Variants in ELP4 observed in about 807,000 individuals in gnomAD.
The protein encoded by ELP4 is elongator acetyltransferase complex subunit 4.
Under a neutral mutation model 48.9 loss-of-function variants are expected in ELP4, and 51 were observed. The observed-to-expected ratio is 1.04, with a 90% CI of 0.83 to 1.32. The LOEUF is 1.32. ELP4 is among the 40% of genes most tolerant of loss of function. ELP4 has a pLI of 0.00. For synonymous variants in ELP4, 210 were observed against 189.2 expected (o/e 1.11, Z -0.90); for missense variants, 519 against 514.6 (o/e 1.01, Z -0.08).
intron 9 of ELP4, among the ~76,000 whole-genome samples, chr11:31,673,839 G>A (rs866582352): frequency 1.3e-5 from 2 of 152,168 alleles, no homozygotes; most frequent in Admixed American, 1.3e-4. Flanking sequence ...TGATGCACTA[G>A]TATTTACTTC....
intron 9 of ELP4, among the ~76,000 whole-genome samples, chr11:31,691,096 TTTG>T (rs767725618): frequency 5.3e-5 from 8 of 152,176 alleles, no homozygotes; most frequent in Middle Eastern, 3.4e-3. Flanking sequence ...GAATACCTAT[TTTG>T]TTATGTACCT....
intron 7 of ELP4, among the ~76,000 whole-genome samples, chr11:31,637,773 T>A (rs1471291663): frequency 1.3e-5 from 2 of 151,952 alleles, no homozygotes; most frequent in African/African-American, 4.8e-5. Context: ...TATGCAAACA[T>A]TTTGTGGCTT....
intron 2 of ELP4, among the ~76,000 whole-genome samples, chr11:31,527,351 A>G (rs1172741610): frequency 6.6e-6 from 1 of 152,090 alleles, no homozygotes. Context: ...CGCTACATAT[A>G]TAGGATACAT....
chr11:31,635,139 G>A (rs919268206), intron 7 of ELP4, among the ~76,000 whole-genome samples: 1 of 151,934 alleles, frequency 6.6e-6, no homozygotes, highest in Non-Finnish European at 1.5e-5. Context: ...TAAATATGAA[G>A]TAAAACTTTT....
At chr11:31,517,637 A>G (rs1286986036) in intron 1 of ELP4, among the ~76,000 whole-genome samples, 1 of 150,792 alleles carries the variant, frequency 6.6e-6, no homozygotes, top group Non-Finnish European at 1.5e-5. Context: ...TTTTTTTTTT[A>G]ATGGAGTCTC....
chr11:31,548,937 A>T (rs547948390), intron 3 of ELP4, among the ~76,000 whole-genome samples: 1 of 152,150 alleles, frequency 6.6e-6, no homozygotes, highest in Non-Finnish European at 1.5e-5. Flanking sequence ...AGCCATATGT[A>T]GAAAGCTGAA....
intron 6 of ELP4, among the ~76,000 whole-genome samples, chr11:31,628,874 A>G (rs1346210426): frequency 6.6e-6 from 1 of 152,138 alleles, no homozygotes; most frequent in East Asian, 1.9e-4. Context: ...TCTAGAAGCC[A>G]GAGAAATACG....
In ELP4 at chr11:31,787,464, G is replaced by A. The variant is rs922513633; in HGVS notation, c.*3940G>A. 1 of 233,176 alleles carries A rather than the reference G, an allele frequency of 4.3e-6. No homozygotes were observed. The highest frequency in any genetic ancestry group is 5.6e-5 in the Admixed American group (1 of 17,780). 14.4% of individuals were successfully genotyped at this position (233,176 alleles called of 1,614,324 possible). ...CTGACCGTGGTGGAAATTACAGCCA[G>A]CGAGAAGGAAGAAGTAAGCCAGCCA... On this transcript the variant is annotated 3_prime_UTR_variant, in exon 10 of 10. Coordinates refer to ENST00000640961, the MANE Select transcript of ELP4 (RefSeq NM_019040.5).
intron 9 of ELP4, among the ~76,000 whole-genome samples, chr11:31,777,406 A>G (rs1338894641): frequency 6.6e-6 from 1 of 152,150 alleles, no homozygotes; most frequent in African/African-American, 2.4e-5. Context: ...GTCATCAGGT[A>G]TGCATTTCTT....
At chr11:31,713,476 T>A (rs1386590016) in intron 9 of ELP4, among the ~76,000 whole-genome samples, 1 of 152,206 alleles carries the variant, frequency 6.6e-6, no homozygotes, top group Non-Finnish European at 1.5e-5. Context: ...ACCAGTAAGT[T>A]AAATTATTTG....
At chr11:31,634,931 A>G (rs974378116) in intron 7 of ELP4, among the ~76,000 whole-genome samples, 5 of 151,890 alleles carry the variant, frequency 3.3e-5, no homozygotes, top group African/African-American at 1.2e-4. Context: ...AATTTTTCCA[A>G]TTTTCAATCT....
chr11:31,541,263 T>C (rs1187812843), intron 3 of ELP4, among the ~76,000 whole-genome samples: 1 of 152,208 alleles, frequency 6.6e-6, no homozygotes, highest in East Asian at 1.9e-4. Flanking sequence ...TTAAATAATA[T>C]TGTTATGAAA....
intron 3 of ELP4, among the ~76,000 whole-genome samples, chr11:31,587,005 A>G (rs1957487630): frequency 6.6e-6 from 1 of 152,152 alleles, no homozygotes; most frequent in South Asian, 2.1e-4. Context: ...AATATAATCT[A>G]TCTACCTTGT....
intron 9 of ELP4, among the ~76,000 whole-genome samples, chr11:31,751,301 G>A (rs1466867044): frequency 1.3e-5 from 2 of 152,176 alleles, no homozygotes; most frequent in African/African-American, 4.8e-5. Flanking sequence ...CTCTACATAT[G>A]TCCAGCACTT....
intron 9 of ELP4, among the ~76,000 whole-genome samples, chr11:31,661,601 A>T (rs1316638232): frequency 6.6e-6 from 1 of 152,038 alleles, no homozygotes; most frequent in Non-Finnish European, 1.5e-5. Flanking sequence ...AGTGCTCGTC[A>T]AATATTGCAT....
At chr11:31,746,173 C>G (rs1272370024) in intron 9 of ELP4, among the ~76,000 whole-genome samples, 4 of 152,162 alleles carry the variant, frequency 2.6e-5, no homozygotes, top group Admixed American at 1.3e-4. Flanking sequence ...AAATGCAAAT[C>G]AAAACCACAA....
Position 31,769,789 on chromosome 11 carries a change from T to TA in ELP4, c.1144-13595dup, listed in dbSNP as rs530581193. Among the ~76,000 whole-genome samples the TA allele has an allele frequency of 5.7e-3, 858 of 151,462 alleles. 7 individuals carry two copies. Among genetic ancestry groups the TA allele is most frequent in the Non-Finnish European group, 8.4e-3 (568 of 67,778 alleles). On this transcript the variant is annotated intron_variant, in intron 9 of 9. Coordinates refer to ENST00000640961, the MANE Select transcript of ELP4 (RefSeq NM_019040.5). ...GAGTAGTTTCCATATAATATACTTT[T>TA]AAAAAAAAACGAGGATAAAAAGGAA...
At chr11:31,564,612 A>G (rs776430010) in intron 3 of ELP4, among the ~76,000 whole-genome samples, 3 of 152,052 alleles carry the variant, frequency 2.0e-5, no homozygotes, top group Non-Finnish European at 4.4e-5. Context: ...CCTACCTATG[A>G]GTGAGAAAAT....
At chr11:31,591,845 G>T (rs1024336078) in intron 3 of ELP4, among the ~76,000 whole-genome samples, 4 of 152,090 alleles carry the variant, frequency 2.6e-5, no homozygotes, top group African/African-American at 2.4e-5. Context: ...CTTAAGAATA[G>T]AAATGATCCA....
Sources: allele counts gnomAD v4.1 joint callset (sites outside exome capture counted in the v4.1 genomes callset), GRCh38; gene constraint gnomAD v4.1.1; transcripts MANE v1.5; gene names NCBI Gene and HGNC (gene_info 2026-07-23, HGNC 2026-07-21).